Variants in LMX1B observed in about 807,000 individuals in gnomAD.
The protein encoded by LMX1B is LIM homeobox transcription factor 1 beta.
Under a neutral mutation model 51.4 loss-of-function variants are expected in LMX1B, and 12 were observed. The ratio of observed to expected loss-of-function variants is 0.23; its 90% CI spans 0.15 to 0.38. LMX1B has a LOEUF of 0.38. Ranked by LOEUF, LMX1B falls within the 10% of genes least tolerant of loss-of-function variation. The probability of loss-of-function intolerance (pLI) is 1.00; values close to 1 mark genes in which losing one functional copy is unlikely to be tolerated. For missense variants in LMX1B, 445 were observed against 571.1 expected (o/e 0.78, Z 2.25); for synonymous variants, 237 against 235.4 (o/e 1.01, Z -0.06).
chr9:126,652,453 G>A (rs10819192), intron 2 of LMX1B, among the ~76,000 whole-genome samples: 54,476 of 152,224 alleles, frequency 0.36, 10,352 homozygotes, highest in Non-Finnish European at 0.41. Flanking sequence ...GGGTGCGGCC[G>A]CATGGGCGGG....
chr9:126,631,507 T>TCGC (rs1835636965), intron 2 of LMX1B, among the ~76,000 whole-genome samples: 1 of 150,082 alleles, frequency 6.7e-6, no homozygotes, highest in African/African-American at 2.5e-5. Context: ...CTGGCTCAGC[T>TCGC]CGGCCGGCCG....
intron 2 of LMX1B, among the ~76,000 whole-genome samples, chr9:126,616,592 C>T (rs1835307366): frequency 6.6e-6 from 1 of 152,178 alleles, no homozygotes; most frequent in East Asian, 1.9e-4. Context: ...AGAAAACCGT[C>T]CTGGATGAGG....
At chr9:126,624,632 C>G (rs1481181117) in intron 2 of LMX1B, among the ~76,000 whole-genome samples, 2 of 151,350 alleles carry the variant, frequency 1.3e-5, no homozygotes, top group African/African-American at 4.9e-5. Context: ...CGCCCCAGCC[C>G]GAGGGCGGCG....
Position 126,618,779 on chromosome 9 carries a change from G to A in LMX1B, c.326+3210G>A, listed in dbSNP as rs1016623375. 6.6e-6 allele frequency among the ~76,000 whole-genome samples: 1 copy of A among 152,228 alleles called. No individual in the cohort carries two copies. Among genetic ancestry groups the A allele is most frequent in the Non-Finnish European group, 1.5e-5 (1 of 68,040 alleles). On this transcript the variant is annotated intron_variant, in intron 2 of 7. Coordinates refer to ENST00000373474, the MANE Select transcript of LMX1B (RefSeq NM_001174147.2). The surrounding 1 kb of genome is among the most constrained non-coding windows in gnomAD (Gnocchi z 4.5). Reference sequence around the variant, plus strand: ...TATCCTGAAGAGGTGGAGAATTCCTGGAGGAGGCTCCGGAAGGGGGGAGGG... The same window carrying A: ...TATCCTGAAGAGGTGGAGAATTCCTAGAGGAGGCTCCGGAAGGGGGGAGGG...
intron 2 of LMX1B, among the ~76,000 whole-genome samples, chr9:126,675,671 G>A (rs1171128199): frequency 6.6e-6 from 1 of 150,872 alleles, no homozygotes; most frequent in African/African-American, 2.4e-5. Context: ...GTTGCGGTGA[G>A]CCGGGATTGT....
chr9:126,672,087 C>T (rs1351060447), intron 2 of LMX1B, among the ~76,000 whole-genome samples: 1 of 152,266 alleles, frequency 6.6e-6, no homozygotes, highest in Non-Finnish European at 1.5e-5. Flanking sequence ...GAGGCCACAC[C>T]ACAAGGGGTG....
At position 126,695,921 on chromosome 9, in the gene LMX1B, A is replaced by G. The variant is rs1274540470; in HGVS notation, c.969A>G (p.Glu323=). The G allele has an allele frequency of 2.5e-6, 4 of 1,613,364 alleles. No homozygotes were observed. The highest frequency in any genetic ancestry group is 1.7e-6 in the Non-Finnish European group (2 of 1,179,766). The change falls in exon 7 of 8, where the codon GAA becomes GAG. Residue 323 remains glutamate, a synonymous_variant. Transcript: ENST00000373474. The surrounding 1 kb of genome is among the most constrained non-coding windows in gnomAD (Gnocchi z 5.2). ...CACAGCAGCAGATCGTGGCCATGGA[A>G]CAGAGCCCCTACGGCAGCAGCGACC... is the stretch of plus-strand genomic sequence containing the variant. ...APPQQQIVAM[E]QSPYGSSDPF...
chr9:126,691,612 C>T (rs10123297), intron 3 of LMX1B, among the ~76,000 whole-genome samples: 8,310 of 152,052 alleles, frequency 0.055, 751 homozygotes, highest in African/African-American at 0.19. Flanking sequence ...CTCTGGCCCA[C>T]CCCCCTTACC....
chr9:126,648,617 A>C (rs1835946643), intron 2 of LMX1B, among the ~76,000 whole-genome samples: 1 of 152,158 alleles, frequency 6.6e-6, no homozygotes, highest in Non-Finnish European at 1.5e-5. Flanking sequence ...TAAAGCAAGG[A>C]GCACAGAGAT....
intron 2 of LMX1B, among the ~76,000 whole-genome samples, chr9:126,648,134 G>A (rs1835935940): frequency 6.6e-6 from 1 of 152,236 alleles, no homozygotes; most frequent in Non-Finnish European, 1.5e-5. Context: ...AAAAGGGAAG[G>A]GGAGAAAAAG....
rs1766593692 is a variant in LMX1B at position 126,691,029 on chromosome 9, G to A, written c.520G>A (p.Asp174Asn). ...CAAGGGTGACTACGAGAAGGAGAAG[G>A]ACCTGCTCAGCTCCGTGAGCCCCGA... ...LCKGDYEKEK[D>N]LLSSVSPDES... Residue 174 changes from aspartate to asparagine, a missense_variant, in exon 3 of 8, where the codon GAC becomes AAC. Asp to Asn is a conservative substitution (Grantham distance 23). This residue lies in a region of LMX1B where 273 missense variants were observed against 343.3 expected (regional missense o/e 0.80). Transcript: ENST00000373474. 2.5e-6 allele frequency: 4 copies of A among 1,613,604 alleles called. No individual in the cohort carries two copies. The African/African-American group carries it at 4.0e-5, about 16-fold the overall frequency.
At position 126,696,052 on chromosome 9, in the gene LMX1B, C is replaced by G. The variant is rs936646894; in HGVS notation, c.1051+49C>G. The G allele has an allele frequency of 1.3e-5, 19 of 1,460,084 alleles. No homozygotes were observed. In the African/African-American group the frequency reaches 2.7e-4, roughly 21 times the overall value. The allele number at this position is 1,460,084 out of a possible 1,614,324, so 90.4% of individuals were successfully genotyped here. A position where few individuals can be genotyped will look rare whatever the true frequency, so the allele number is the denominator to read the frequency against. ...CCCGCCCCAGCACAGCCCCTGCCCC[C>G]TGCCAGGCCAGGCAGGCCTGGGGCC... is the stretch of plus-strand genomic sequence containing the variant. On this transcript the variant is annotated intron_variant, in intron 7 of 7. Transcript: ENST00000373474.
At chr9:126,629,340 C>T (rs1221262049) in intron 2 of LMX1B, among the ~76,000 whole-genome samples, 2 of 152,210 alleles carry the variant, frequency 1.3e-5, no homozygotes, top group Middle Eastern at 3.2e-3. Context: ...CCAGCTGATG[C>T]TTGTTTAGCA....
chr9:126,678,539 C>T (rs898841738), intron 2 of LMX1B, among the ~76,000 whole-genome samples: 20 of 152,180 alleles, frequency 1.3e-4, no homozygotes, highest in Non-Finnish European at 7.3e-5. Flanking sequence ...TTTTTATCAC[C>T]TGCCTGGTAA....
At chr9:126,651,778 G>A (rs980880158) in intron 2 of LMX1B, among the ~76,000 whole-genome samples, 1 of 152,156 alleles carries the variant, frequency 6.6e-6, no homozygotes, top group African/African-American at 2.4e-5. Context: ...GCATCTCTGA[G>A]ATGAGGATCC....
At chr9:126,647,962 C>T (rs1391182704) in intron 2 of LMX1B, among the ~76,000 whole-genome samples, 2 of 152,248 alleles carry the variant, frequency 1.3e-5, no homozygotes, top group African/African-American at 4.8e-5. Context: ...GAGCTGCCGT[C>T]TGTGCCCTCC....
intron 2 of LMX1B, among the ~76,000 whole-genome samples, chr9:126,689,108 G>A (rs542219533): frequency 1.2e-3 from 178 of 152,336 alleles, no homozygotes; most frequent in Non-Finnish European, 1.9e-3. Context: ...GGGCATCAGA[G>A]AAGGCTTCCC....
At chr9:126,633,130 C>T (rs1442018303) in intron 2 of LMX1B, among the ~76,000 whole-genome samples, 1 of 152,180 alleles carries the variant, frequency 6.6e-6, no homozygotes, top group Non-Finnish European at 1.5e-5. Context: ...CAAGAGTCAC[C>T]GGTTTCATGG....
rs369693899 is a variant in LMX1B, at chr9:126,625,408, G to GCT, written c.326+9842_326+9843dup. 1.6e-4 allele frequency among the ~76,000 whole-genome samples: 25 copies of GCT among 152,344 alleles called. No individual in the cohort carries two copies. In the East Asian group the frequency reaches 4.8e-3, roughly 29 times the overall value. On this transcript the variant is annotated intron_variant, in intron 2 of 7. Coordinates refer to ENST00000373474, the MANE Select transcript of LMX1B (RefSeq NM_001174147.2). This position sits in a 1 kb window ranked among gnomAD's most constrained non-coding sequence, Gnocchi z 5.3. ...TCCTCTGACCGAGAGCACGGGTCCT[G>GCT]CTCTGTCCCCTCTTCCCAGGAAAGG...
Sources: gnomAD v4.1 joint callset for allele counts (sites outside exome capture counted in the v4.1 genomes callset) on GRCh38, gnomAD v4.1.1 for gene constraint, gnomAD v4.1.1 regional missense constraint, Gnocchi (gnomAD v3.1) non-coding constraint, MANE v1.5 for transcripts, NCBI Gene and HGNC (gene_info 2026-07-23, HGNC 2026-07-21) for gene names.